LIMD1: variants seen among roughly 807,000 people sequenced by gnomAD.
The protein encoded by LIMD1 is LIM domain containing 1.
LIMD1 carries 23 observed loss-of-function variants against 58.4 expected under a neutral mutation model. The observed-to-expected ratio is 0.39, with a 90% CI of 0.28 to 0.56. LIMD1 has a LOEUF of 0.56. LIMD1 is among the 20% of genes least tolerant of loss of function. The probability of loss-of-function intolerance (pLI) is 0.57; values close to 1 mark genes in which losing one functional copy is unlikely to be tolerated. For synonymous variants in LIMD1, 334 were observed against 345.5 expected, an observed-to-expected ratio of 0.97 and a Z score of 0.37; for missense variants, 838 against 855.5, an observed-to-expected ratio of 0.98 and a Z score of 0.25.
At chr3:45,620,457 A>G (rs1701619052) in intron 1 of LIMD1, among the ~76,000 whole-genome samples, 6 of 152,236 alleles carry the variant, frequency 3.9e-5, no homozygotes. Context: ...AGAGGTCAGC[A>G]TTTGGAAAGA....
chr3:45,608,950 A>G (rs1375023675), intron 1 of LIMD1, among the ~76,000 whole-genome samples: 1 of 152,144 alleles, frequency 6.6e-6, no homozygotes, highest in African/African-American at 2.4e-5. Flanking sequence ...GTTACTCATG[A>G]GATATTTGTT....
At chr3:45,636,940 T>C (rs947965127) in intron 2 of LIMD1, among the ~76,000 whole-genome samples, 1 of 152,252 alleles carries the variant, frequency 6.6e-6, no homozygotes, top group Non-Finnish European at 1.5e-5. Flanking sequence ...TTGCTTGTTT[T>C]CTGTCTCTAT....
At chr3:45,613,052 G>C (rs1282863460) in intron 1 of LIMD1, 1 of 151,858 alleles carries the variant, frequency 6.6e-6, no homozygotes, top group Non-Finnish European at 1.5e-5. Context: ...TGTGGTTTTT[G>C]TTGATGATTT....
chr3:45,618,264 C>T (rs1701593600), intron 1 of LIMD1, among the ~76,000 whole-genome samples: 1 of 152,178 alleles, frequency 6.6e-6, no homozygotes, highest in Non-Finnish European at 1.5e-5. Context: ...TTGCGTGCGT[C>T]ATTCATTCAT....
chr3:45,673,924 G>C, intron 6 of LIMD1: 1 of 256,920 alleles, frequency 3.9e-6, no homozygotes, highest in Admixed American at 4.9e-5. Context: ...CTTCACCTTT[G>C]AGATAAGTCG....
Position 45,595,929 on chromosome 3 carries a change from G to A in LIMD1, c.1050G>A (p.Pro350=), listed in dbSNP as rs751998306. Residue 350 remains proline, a synonymous_variant, in exon 1 of 8, where the codon CCG becomes CCA. Transcript: ENST00000273317. ...AATCTTACCTTTCCAGTTCTGCCCC[G>A]TCATCCTCGCCAGCTGGTCTGGACG... ...GPKSYLSSSA[P]SSSPAGLDGS... 6 of 1,614,178 alleles carry A rather than the reference G, an allele frequency of 3.7e-6. No individual in the cohort carries two copies. Among genetic ancestry groups the A allele is most frequent in the African/African-American group, 2.7e-5 (2 of 75,034 alleles).
At chr3:45,650,769 C>A (rs1032355690) in intron 2 of LIMD1, among the ~76,000 whole-genome samples, 11 of 152,056 alleles carry the variant, frequency 7.2e-5, no homozygotes, top group African/African-American at 2.4e-4. Context: ...CAAGTCTTTG[C>A]TATTTTGAAT....
chr3:45,599,748 G>A (rs1482199731), intron 1 of LIMD1, among the ~76,000 whole-genome samples: 1 of 152,250 alleles, frequency 6.6e-6, no homozygotes. Context: ...GCTCCCAGGA[G>A]TGGGACTGTG....
At chr3:45,666,716 C>T (rs1181721406) in intron 3 of LIMD1, among the ~76,000 whole-genome samples, 1 of 152,180 alleles carries the variant, frequency 6.6e-6, no homozygotes, top group Non-Finnish European at 1.5e-5. Flanking sequence ...CAAGTCTCTC[C>T]TCCATTGACT....
Position 45,658,532 on chromosome 3 carries a change from A to ATGCTTTTTTTTTTTTTTTTTTTTTTT in LIMD1, c.1511-7117_1511-7116insGCTTTTTTTTTTTTTTTTTTTTTTTT, listed in dbSNP as rs1553646072. ...ATAAACCATCCCCTCCACCATGCAG[A>ATGCTTTTTTTTTTTTTTTTTTTTTTT]TTCTTTTTTTTTTTTTTTTTTTTTT... On this transcript the variant is annotated intron_variant, in intron 2 of 7. Coordinates refer to ENST00000273317, the MANE Select transcript of LIMD1 (RefSeq NM_014240.3). Among the ~76,000 whole-genome samples the ATGCTTTTTTTTTTTTTTTTTTTTTTT allele has an allele frequency of 5.5e-5, 4 of 72,138 alleles. 1 individual carries two copies. Among genetic ancestry groups the ATGCTTTTTTTTTTTTTTTTTTTTTTT allele is most frequent in the Non-Finnish European group, 3.0e-5 (1 of 33,598 alleles). The allele number at this position is 72,138 out of a possible 152,430, so 47.3% of individuals were successfully genotyped here.
chr3:45,663,029 G>A lies in LIMD1; in HGVS notation c.1511-2621G>A, dbSNP rs1419084417. Among the ~76,000 whole-genome samples the A allele has an allele frequency of 6.6e-5, 10 of 151,840 alleles. No individual in the cohort carries two copies. In the South Asian group the frequency reaches 1.4e-3, roughly 22 times the overall value. On this transcript the variant is annotated intron_variant, in intron 2 of 7. Transcript: ENST00000273317. The stretch of plus-strand genomic sequence containing the variant: ...TACTAGTTTGTGTATGTGTGTGTGC[G>A]CACTCTCAAACTTACACATATACGA...
chr3:45,645,158 T>C (rs1386449726), intron 2 of LIMD1, among the ~76,000 whole-genome samples: 3 of 152,238 alleles, frequency 2.0e-5, no homozygotes, highest in East Asian at 3.9e-4. Context: ...GCCAGAGGGC[T>C]GCAGGGATCG....
At chr3:45,664,720 C>T (rs1184230580) in intron 2 of LIMD1, among the ~76,000 whole-genome samples, 1 of 152,206 alleles carries the variant, frequency 6.6e-6, no homozygotes, top group Non-Finnish European at 1.5e-5. Flanking sequence ...CGTCACCAGG[C>T]GAGGGCAGCC....
At chr3:45,602,991 C>A (rs1701431154) in intron 1 of LIMD1, among the ~76,000 whole-genome samples, 1 of 152,166 alleles carries the variant, frequency 6.6e-6, no homozygotes, top group Non-Finnish European at 1.5e-5. Flanking sequence ...CAGGCGCGCA[C>A]CACCATGCCC....
At chr3:45,614,409 TAAA>T (rs776301383) in intron 1 of LIMD1, among the ~76,000 whole-genome samples, 46 of 125,450 alleles carry the variant, frequency 3.7e-4, no homozygotes, top group Admixed American at 6.5e-4. Context: ...CACCTGTAGT[TAAA>T]AAAAAAAAAA....
chr3:45,665,525 C>A, intron 2 of LIMD1, 125 bp from the exon 3 acceptor site: 1 of 705,960 alleles, frequency 1.4e-6, no homozygotes, highest in Non-Finnish European at 2.4e-6. Flanking sequence ...TGGAAAGTGT[C>A]ATTGACAGTT....
intron 2 of LIMD1, among the ~76,000 whole-genome samples, chr3:45,645,174 G>A (rs150694935): frequency 6.6e-6 from 1 of 152,300 alleles, no homozygotes; most frequent in Non-Finnish European, 1.5e-5. Flanking sequence ...GATCGGAAGA[G>A]AGTGGAGGGG....
rs1164450117 is a variant in LIMD1, at chr3:45,681,165, T to G, written c.*4106T>G. Reference sequence around the variant, plus strand: ...TTCCTCTGTGTCTTTTCTTTTACTATAAAGTGATTCAGAATTTTACTGTTA... The same window carrying G: ...TTCCTCTGTGTCTTTTCTTTTACTAGAAAGTGATTCAGAATTTTACTGTTA... On this transcript the variant is annotated 3_prime_UTR_variant, in exon 8 of 8. Coordinates refer to ENST00000273317, the MANE Select transcript of LIMD1 (RefSeq NM_014240.3). 1 of 152,226 alleles carries G rather than the reference T, an allele frequency of 6.6e-6. No individual in the cohort carries two copies. Among genetic ancestry groups the G allele is most frequent in the African/African-American group, 2.4e-5 (1 of 41,450 alleles). 9.4% of individuals were successfully genotyped at this position (152,226 alleles called of 1,614,324 possible). A position where few individuals can be genotyped will look rare whatever the true frequency, so the allele number is the denominator to read the frequency against.
At chr3:45,637,227 A>C (rs1475034490) in intron 2 of LIMD1, among the ~76,000 whole-genome samples, 4 of 152,060 alleles carry the variant, frequency 2.6e-5, no homozygotes, top group Non-Finnish European at 4.4e-5. Flanking sequence ...TCTGCTAATC[A>C]AGGGTGGGGC....
Sources: allele counts gnomAD v4.1 joint callset (sites outside exome capture counted in the v4.1 genomes callset), GRCh38; gene constraint gnomAD v4.1.1; transcripts MANE v1.5; gene names NCBI Gene and HGNC (gene_info 2026-07-23, HGNC 2026-07-21).